KALRN: variants seen among roughly 807,000 people sequenced by gnomAD.
The protein encoded by KALRN is kalirin RhoGEF kinase.
A neutral mutation model predicts 353.7 loss-of-function variants in KALRN; 70 were observed. The ratio of observed to expected loss-of-function variants is 0.20; its 90% confidence interval spans 0.16 to 0.24. KALRN has a LOEUF of 0.24. Among genes scored for constraint, KALRN ranks in the 10% least tolerant of loss-of-function variants. KALRN has a pLI of 1.00. For synonymous variants in KALRN, 1,391 were observed against 1,434.8 expected, an observed-to-expected ratio of 0.97 and a Z score of 0.69; for missense variants, 2,791 against 3,756.7, an observed-to-expected ratio of 0.74 and a Z score of 6.72.
chr3:124,203,950 A>T (rs1332470967), intron 1 of KALRN, among the ~76,000 whole-genome samples: 1 of 152,160 alleles, frequency 6.6e-6, no homozygotes, highest in Admixed American at 6.5e-5. Flanking sequence ...TTGTATATGG[A>T]GGGCTGTCTT....
intron 9 of KALRN, among the ~76,000 whole-genome samples, chr3:124,338,264 T>A (rs2081336837): frequency 6.6e-6 from 1 of 152,244 alleles, no homozygotes; most frequent in Non-Finnish European, 1.5e-5. Context: ...CTTTCTCCTG[T>A]GGGCATTTAG....
chr3:124,516,755 T>C (rs917656486), intron 33 of KALRN, among the ~76,000 whole-genome samples: 2 of 150,944 alleles, frequency 1.3e-5, no homozygotes, highest in African/African-American at 4.9e-5. Context: ...ACAGAAAAAA[T>C]GTGATTTAAA....
At chr3:124,695,518 G>A (rs549882638) in intron 53 of KALRN, among the ~76,000 whole-genome samples, 1 of 152,248 alleles carries the variant, frequency 6.6e-6, no homozygotes, top group Admixed American at 6.5e-5. Flanking sequence ...AAAAGCGCCA[G>A]GGGATATCAT....
intron 5 of KALRN, among the ~76,000 whole-genome samples, chr3:124,297,156 C>T (rs2076911974): frequency 6.6e-6 from 1 of 152,198 alleles, no homozygotes; most frequent in Non-Finnish European, 1.5e-5. Context: ...GCAGGTATCC[C>T]ATAAATACTG....
At position 124,434,633 on chromosome 3, in the gene KALRN, C is replaced by T. The variant is rs1048897311; in HGVS notation, c.3048+108C>T. On this transcript the variant is annotated intron_variant, in intron 17 of 59. Transcript: ENST00000682506. ...TATGTCAGCGAGAAGCCTGTCCTTTCAGTACTAACATTTGAAGAATAGTTT... is the reference window on the plus strand; with the variant it reads ...TATGTCAGCGAGAAGCCTGTCCTTTTAGTACTAACATTTGAAGAATAGTTT... 1.3e-5 allele frequency: 12 copies of T among 893,824 alleles called. No individual in the cohort carries two copies. In the African/African-American group the frequency reaches 1.5e-4, roughly 11 times the overall value. The allele number at this position is 893,824 out of a possible 1,614,324, so 55.4% of individuals were successfully genotyped here. A position where few individuals can be genotyped will look rare whatever the true frequency, so the allele number is the denominator to read the frequency against.
At chr3:124,615,700 G>A (rs1396075777) in intron 34 of KALRN, among the ~76,000 whole-genome samples, 3 of 152,138 alleles carry the variant, frequency 2.0e-5, no homozygotes, top group Non-Finnish European at 4.4e-5. Flanking sequence ...TGGCGAATCC[G>A]GTTGCAGGGT....
chr3:124,630,482 C>T (rs918697734), intron 34 of KALRN, among the ~76,000 whole-genome samples: 2 of 152,054 alleles, frequency 1.3e-5, no homozygotes, highest in Non-Finnish European at 2.9e-5. Context: ...CTGCAACCTC[C>T]GCCTCCTGGG....
chr3:124,623,428 A>ACACACACACACAC (rs1554055226), intron 34 of KALRN, among the ~76,000 whole-genome samples: 2 of 122,734 alleles, frequency 1.6e-5, no homozygotes, highest in South Asian at 2.7e-4. Flanking sequence ...ACACACACAC[A>ACACACACACACAC]AAAGGGAGTT....
At chr3:124,605,928 A>G (rs1422599012) in intron 34 of KALRN, among the ~76,000 whole-genome samples, 2 of 152,168 alleles carry the variant, frequency 1.3e-5, no homozygotes, top group East Asian at 3.9e-4. Context: ...ACACACATCA[A>G]AATGTAATGC....
At chr3:124,211,447 T>C (rs1290099718) in intron 1 of KALRN, among the ~76,000 whole-genome samples, 1 of 152,206 alleles carries the variant, frequency 6.6e-6, no homozygotes, top group Non-Finnish European at 1.5e-5. Flanking sequence ...TACAGAAATA[T>C]GTCCATAGCC....
intron 1 of KALRN, among the ~76,000 whole-genome samples, chr3:124,160,704 C>T (rs1430722537): frequency 3.9e-5 from 6 of 152,062 alleles, no homozygotes; most frequent in Non-Finnish European, 5.9e-5. Context: ...CCTTCTTTCT[C>T]CTCCTTGGTG....
intron 25 of KALRN, among the ~76,000 whole-genome samples, chr3:124,466,720 G>A (rs1042534260): frequency 8.5e-5 from 13 of 152,234 alleles, no homozygotes; most frequent in East Asian, 3.9e-4. Flanking sequence ...CAGAGGAGTC[G>A]TTACTTGCCC....
intron 34 of KALRN, among the ~76,000 whole-genome samples, chr3:124,589,080 A>G (rs935210487): frequency 2.0e-5 from 3 of 152,126 alleles, no homozygotes; most frequent in Non-Finnish European, 4.4e-5. Flanking sequence ...GGGTAAGTGT[A>G]TGGGGATTCA....
At chr3:124,310,975 T>C (rs901642940) in intron 6 of KALRN, among the ~76,000 whole-genome samples, 1 of 150,204 alleles carries the variant, frequency 6.7e-6, no homozygotes, top group African/African-American at 2.4e-5. Flanking sequence ...TTCAATAATA[T>C]ATACAGATGG....
chr3:124,156,263 G>A (rs1299197141), intron 1 of KALRN, among the ~76,000 whole-genome samples: 1 of 152,202 alleles, frequency 6.6e-6, no homozygotes, highest in Non-Finnish European at 1.5e-5. Flanking sequence ...GAGAAACATT[G>A]TTCAGCAAAC....
At chr3:124,093,110 C>G (rs1243629350) in intron 1 of KALRN, among the ~76,000 whole-genome samples, 1 of 152,152 alleles carries the variant, frequency 6.6e-6, no homozygotes, top group Non-Finnish European at 1.5e-5. Context: ...CAGGGGCAGG[C>G]GGTGGAGGTT....
intron 1 of KALRN, among the ~76,000 whole-genome samples, chr3:124,086,018 C>G (rs974228307): frequency 6.6e-6 from 1 of 152,124 alleles, no homozygotes; most frequent in Non-Finnish European, 1.5e-5. Context: ...TTTCATGTTA[C>G]TACATATAAA....
chr3:124,359,930 A>G (rs2083832693), intron 10 of KALRN, among the ~76,000 whole-genome samples: 1 of 152,238 alleles, frequency 6.6e-6, no homozygotes, highest in African/African-American at 2.4e-5. Context: ...GCCAGGTGCC[A>G]AGAGGACAGA....
At chr3:124,417,711 A>G (rs999133325) in intron 14 of KALRN, among the ~76,000 whole-genome samples, 1 of 152,218 alleles carries the variant, frequency 6.6e-6, no homozygotes, top group Admixed American at 6.5e-5. Context: ...ATGTCTTAGG[A>G]CCTGAGTGTC....
Sources: gnomAD v4.1 joint callset for allele counts (sites outside exome capture counted in the v4.1 genomes callset) on GRCh38, gnomAD v4.1.1 for gene constraint, MANE v1.5 for transcripts, NCBI Gene and HGNC (gene_info 2026-07-23, HGNC 2026-07-21) for gene names.